Variants in WNK4 observed in about 807,000 individuals in gnomAD.
The protein encoded by WNK4 is WNK lysine deficient protein kinase 4.
A neutral mutation model predicts 116.2 loss-of-function variants in WNK4; 94 were observed. The observed-to-expected ratio is 0.81, with a 90% CI of 0.68 to 0.96. WNK4 has a LOEUF of 0.96. Ranked by LOEUF, WNK4 falls within the 40% of genes least tolerant of loss-of-function variation. WNK4 has a pLI of 0.00. For missense variants in WNK4, 1,542 were observed against 1,650.6 expected, an observed-to-expected ratio of 0.93 and a Z score of 1.14; for synonymous variants, 655 against 672.7, an observed-to-expected ratio of 0.97 and a Z score of 0.41.
intron 4 of WNK4, 56 bp from the exon 5 acceptor site, chr17:42,785,041 T>G: frequency 1.3e-6 from 2 of 1,565,196 alleles, no homozygotes; most frequent in Non-Finnish European, 1.7e-6. Context: ...GGGGGTGGTG[T>G]CAAGCCGAGA....
intron 6 of WNK4, among the ~76,000 whole-genome samples, chr17:42,786,718 T>C (rs1465262899): frequency 6.6e-6 from 1 of 152,146 alleles, no homozygotes; most frequent in Admixed American, 6.5e-5. Flanking sequence ...AATAGAGACA[T>C]GACAGTTGCA....
At chr17:42,783,855 C>A (rs1275518004) in intron 2 of WNK4, 82 bp from the exon 3 acceptor site, 6 of 1,342,004 alleles carry the variant, frequency 4.5e-6, no homozygotes, top group Non-Finnish European at 6.2e-6. Flanking sequence ...CAGGGTGCGG[C>A]AGGGGGGAAC....
rs1453923832 is a variant in WNK4, at chr17:42,796,544, AG to A, written c.3700del (p.Val1234Ter). The A allele has an allele frequency of 2.5e-6, 4 of 1,614,054 alleles. No homozygotes were observed. The highest frequency in any genetic ancestry group is 4.5e-5 in the East Asian group (2 of 44,870). ...GGCTCCCAGGAGCAGCGGGCAAGCAAGGGGGTGACATTCGCCGGGGATGTTG... is the reference window on the plus strand; with the variant it reads ...GGCTCCCAGGAGCAGCGGGCAAGCAAGGGGTGACATTCGCCGGGGATGTTG... ...STGSQEQRAS[K>X]GVTFAGDVGR... On this transcript the variant is annotated frameshift_variant, in exon 18 of 19. Coordinates refer to ENST00000246914, the MANE Select transcript of WNK4 (RefSeq NM_032387.5). LOFTEE classifies it high-confidence loss of function.
At chr17:42,787,132 A>C in intron 6 of WNK4, 146 bp from the exon 7 acceptor site, 1 of 1,171,656 alleles carries the variant, frequency 8.5e-7, no homozygotes, top group Non-Finnish European at 1.2e-6. Context: ...TGATAATGTA[A>C]GGAGCTGCCA....
intron 12 of WNK4, 176 bp from the exon 13 acceptor site, chr17:42,794,438 C>A: frequency 1.5e-6 from 1 of 679,526 alleles, no homozygotes; most frequent in Non-Finnish European, 2.6e-6. Flanking sequence ...GAGTAAGTTG[C>A]AGACATCATG....
rs1285832282 is a variant in WNK4, at chr17:42,782,636, A to G, written c.619-122A>G. 1.5e-5 allele frequency: 18 copies of G among 1,172,528 alleles called. No homozygotes were observed. The highest frequency in any genetic ancestry group is 2.1e-5 in the Non-Finnish European group (17 of 815,376). 72.6% of individuals were successfully genotyped at this position (1,172,528 alleles called of 1,614,324 possible). A position where few individuals can be genotyped will look rare whatever the true frequency, so the allele number is the denominator to read the frequency against. ...TGCAGCCCACTGGGCAAGTAATCCC[A>G]TTAACCCCACCCCATCTGTGGGCTC... On this transcript the variant is annotated intron_variant, in intron 1 of 18. Coordinates refer to ENST00000246914, the MANE Select transcript of WNK4 (RefSeq NM_032387.5). The surrounding 1 kb of genome is among the most constrained non-coding windows in gnomAD (Gnocchi z 4.2).
intron 6 of WNK4, among the ~76,000 whole-genome samples, chr17:42,787,030 C>T (rs547745527): frequency 6.6e-6 from 1 of 152,316 alleles, no homozygotes; most frequent in East Asian, 1.9e-4. Flanking sequence ...AAACCACTGA[C>T]TTACTGTATA....
Position 42,796,116 on chromosome 17 carries a change from TC to T in WNK4, c.3432-5del. 6.2e-7 allele frequency: 1 copy of T among 1,613,966 alleles called. No homozygotes were observed. Among genetic ancestry groups the T allele is most frequent in the Non-Finnish European group, 8.5e-7 (1 of 1,179,984 alleles). On this transcript the variant is annotated splice_region_variant and splice_polypyrimidine_tract_variant and intron_variant, in intron 16 of 18. Coordinates refer to ENST00000246914, the MANE Select transcript of WNK4 (RefSeq NM_032387.5). Reference sequence around the variant, plus strand: ...CTAGCCCTTTCATGCCCTCCGTGCATCCTCAGGCACTTGTCAGAGGTGGAAA... The same window carrying T: ...CTAGCCCTTTCATGCCCTCCGTGCATCTCAGGCACTTGTCAGAGGTGGAAA...
At chr17:42,785,761 C>T (rs1378903565) in intron 6 of WNK4, among the ~76,000 whole-genome samples, 1 of 152,194 alleles carries the variant, frequency 6.6e-6, no homozygotes, top group Non-Finnish European at 1.5e-5. Flanking sequence ...GCCAATTCAT[C>T]TTTTCCTTCT....
intron 11 of WNK4, among the ~76,000 whole-genome samples, chr17:42,791,377 G>A (rs527562181): frequency 3.9e-5 from 6 of 152,242 alleles, no homozygotes; most frequent in African/African-American, 1.2e-4. Context: ...GGTGGCTCAC[G>A]CCTGTAATCC....
intron 11 of WNK4, among the ~76,000 whole-genome samples, chr17:42,789,513 A>G (rs1026827484): frequency 6.6e-6 from 1 of 151,770 alleles, no homozygotes; most frequent in African/African-American, 2.4e-5. Context: ...AAAATACAAA[A>G]ATTAGCTGGG....
At chr17:42,791,583 G>A (rs2054606462) in intron 11 of WNK4, among the ~76,000 whole-genome samples, 1 of 151,696 alleles carries the variant, frequency 6.6e-6, no homozygotes, top group Non-Finnish European at 1.5e-5. Context: ...AGGTTGCGGT[G>A]AGCCACGGTC....
Position 42,795,230 on chromosome 17 carries a change from G to A in WNK4, c.2809G>A (p.Val937Met). ...TGCCTTCTCACTGGCTGTGATGACTGTGGCCCAGTCCCTGCTGTCCCCCTC... is the reference window on the plus strand; with the variant it reads ...TGCCTTCTCACTGGCTGTGATGACTATGGCCCAGTCCCTGCTGTCCCCCTC... ...ASAFSLAVMT[V>M]AQSLLSPSPG... Residue 937 changes from valine (V) to methionine (M), a missense_variant, in exon 14 of 19, where the codon GTG (valine) becomes ATG (methionine). Val to Met is a conservative substitution (Grantham distance 21, BLOSUM62 1). Transcript: ENST00000246914. 1 of 1,613,532 alleles carries A rather than the reference G, an allele frequency of 6.2e-7. No homozygotes were observed. Among genetic ancestry groups the A allele is most frequent in the Non-Finnish European group, 8.5e-7 (1 of 1,179,856 alleles).
chr17:42,787,241 C>T, intron 6 of WNK4, 37 bp from the exon 7 acceptor site: 1 of 1,611,854 alleles, frequency 6.2e-7, no homozygotes, highest in Non-Finnish European at 8.5e-7. Context: ...GATAGGGGGT[C>T]CCAAGCTGTG....
Position 42,780,655 on chromosome 17 carries a change from T to C in WNK4, c.-44T>C. ...AGTCCGTCTGTCAGGCCGCCTCCTCTCCGGCCGTCTGATTTTCTACCCTTC... is the reference window on the plus strand; with the variant it reads ...AGTCCGTCTGTCAGGCCGCCTCCTCCCCGGCCGTCTGATTTTCTACCCTTC... On this transcript the variant is annotated 5_prime_UTR_variant, in exon 1 of 19. Coordinates refer to ENST00000246914, the MANE Select transcript of WNK4 (RefSeq NM_032387.5). The C allele has an allele frequency of 6.3e-7, 1 of 1,598,708 alleles. No individual in the cohort carries two copies. The highest frequency in any genetic ancestry group is 1.1e-5 in the South Asian group (1 of 90,858).
rs1193897791 is a variant in WNK4, at chr17:42,781,066, C to T, written c.368C>T (p.Ala123Val). The T allele has an allele frequency of 1.9e-6, 3 of 1,612,142 alleles. No homozygotes were observed. Among genetic ancestry groups the T allele is most frequent in the South Asian group, 1.1e-5 (1 of 91,022 alleles). ...GAPVKAAEDS[A>V]RPELPDSAVG... ...CCTGTGAAGGCTGCGGAAGACTCCG[C>T]GCGTCCCGAGCTCCCGGACTCTGCA... Residue 123 changes from alanine (A) to valine (V), a missense_variant, in exon 1 of 19, where the codon GCG becomes GTG. Around this residue, in one of 7 missense-constraint regions of WNK4, gnomAD observed 243 missense variants for 217.8 expected, o/e 1.12. Transcript: ENST00000246914.
Position 42,787,262 on chromosome 17 carries a change from C to G in WNK4, c.1477-16C>G, listed in dbSNP as rs374143531. Reference sequence around the variant, plus strand: ...GGGTCCCAAGCTGTGTTCCTCATCCCCCACCCCAATTCCAGGTGGCTCTGG... The same window carrying G: ...GGGTCCCAAGCTGTGTTCCTCATCCGCCACCCCAATTCCAGGTGGCTCTGG... On this transcript the variant is annotated splice_polypyrimidine_tract_variant and intron_variant, in intron 6 of 18. Transcript: ENST00000246914. The G allele has an allele frequency of 6.2e-7, 1 of 1,613,502 alleles. No individual in the cohort carries two copies. The highest frequency in any genetic ancestry group is 2.2e-5 in the East Asian group (1 of 44,882).
At chr17:42,789,648 G>A (rs1429241722) in intron 11 of WNK4, among the ~76,000 whole-genome samples, 5 of 148,284 alleles carry the variant, frequency 3.4e-5, no homozygotes, top group Non-Finnish European at 5.9e-5. Context: ...TGGGCGACAA[G>A]AGTGAGATTC....
intron 6 of WNK4, among the ~76,000 whole-genome samples, chr17:42,786,801 C>T (rs1259382698): frequency 2.0e-5 from 3 of 152,208 alleles, no homozygotes; most frequent in African/African-American, 4.8e-5. Context: ...CTCCATAGCA[C>T]GGCCCAACCT....
Sources: allele counts gnomAD v4.1 joint callset (sites outside exome capture counted in the v4.1 genomes callset), GRCh38; gene constraint gnomAD v4.1.1; regional missense constraint gnomAD v4.1.1; non-coding constraint Gnocchi (gnomAD v3.1); transcripts MANE v1.5; gene names NCBI Gene and HGNC (gene_info 2026-07-23, HGNC 2026-07-21).